FSIP1: variants seen among roughly 807,000 people sequenced by gnomAD.
FSIP1 encodes the protein fibrous sheath-interacting protein 1.
A neutral mutation model predicts 60.9 loss-of-function variants in FSIP1; 65 were observed. The ratio of observed to expected loss-of-function variants is 1.07; its 90% confidence interval spans 0.87 to 1.31. The LOEUF (loss-of-function observed/expected upper bound fraction) is 1.31. FSIP1 is among the 40% of genes most tolerant of loss of function. The pLI, the probability that FSIP1 is intolerant of heterozygous loss-of-function variation, is 0.00. For missense variants in FSIP1, 675 were observed against 665.5 expected, an observed-to-expected ratio of 1.01 and a Z score of -0.16; for synonymous variants, 209 against 221.2, an observed-to-expected ratio of 0.94 and a Z score of 0.49.
At chr15:39,633,607 T>A (rs759165567) in intron 10 of FSIP1, among the ~76,000 whole-genome samples, 4 of 152,182 alleles carry the variant, frequency 2.6e-5, no homozygotes, top group Non-Finnish European at 5.9e-5. Context: ...AAACTTGCAA[T>A]ATGGACTGTG....
chr15:39,673,462 C>T (rs889911281), intron 10 of FSIP1, among the ~76,000 whole-genome samples: 2 of 151,754 alleles, frequency 1.3e-5, no homozygotes, highest in African/African-American at 4.9e-5. Flanking sequence ...CACAGGCACA[C>T]GCCACCACAC....
At chr15:39,623,102 G>C (rs975614862) in intron 10 of FSIP1, among the ~76,000 whole-genome samples, 2 of 151,610 alleles carry the variant, frequency 1.3e-5, no homozygotes, top group African/African-American at 4.9e-5. Flanking sequence ...GTTTGATGTA[G>C]AAGCTAAATT....
intron 9 of FSIP1, among the ~76,000 whole-genome samples, chr15:39,714,894 A>C (rs2140558688): frequency 6.7e-6 from 1 of 148,424 alleles, no homozygotes; most frequent in South Asian, 2.2e-4. Flanking sequence ...GATCACTTGA[A>C]CCTGGGAGGT....
At chr15:39,602,485 C>A in intron 11 of FSIP1, 1 of 404,682 alleles carries the variant, frequency 2.5e-6, no homozygotes, top group South Asian at 1.8e-5. Flanking sequence ...TGAATTATAT[C>A]TCAATAAAGT....
chr15:39,772,842 C>A (rs1254240015), intron 2 of FSIP1, among the ~76,000 whole-genome samples: 1 of 149,658 alleles, frequency 6.7e-6, no homozygotes, highest in Admixed American at 6.7e-5. Context: ...CTGCCCACTT[C>A]GGCCTCCCAC....
intron 10 of FSIP1, among the ~76,000 whole-genome samples, chr15:39,631,635 A>G (rs1250963371): frequency 6.6e-6 from 1 of 152,208 alleles, no homozygotes; most frequent in East Asian, 1.9e-4. Context: ...AGCGTAATAA[A>G]AAGCCTGCAT....
chr15:39,766,146 A>T (rs1051566772), intron 3 of FSIP1, among the ~76,000 whole-genome samples: 26 of 152,244 alleles, frequency 1.7e-4, no homozygotes, highest in African/African-American at 5.8e-4. Flanking sequence ...GCTGCTTCAG[A>T]CTAACTGAAA....
intron 10 of FSIP1, among the ~76,000 whole-genome samples, chr15:39,633,409 C>T (rs925698047): frequency 2.0e-5 from 3 of 152,066 alleles, no homozygotes; most frequent in Non-Finnish European, 4.4e-5. Context: ...TTTAAATGTC[C>T]AAACAATTAA....
chr15:39,774,740 T>C (rs952132097), intron 2 of FSIP1, among the ~76,000 whole-genome samples: 5 of 152,206 alleles, frequency 3.3e-5, no homozygotes, highest in Admixed American at 6.5e-5. Context: ...AGATGTGAGG[T>C]AGAAGCATCG....
intron 10 of FSIP1, 68 bp from the exon 11 acceptor site, chr15:39,618,313 T>A: frequency 8.0e-7 from 1 of 1,247,290 alleles, no homozygotes; most frequent in Non-Finnish European, 1.1e-6. Flanking sequence ...TTGGTAGGCA[T>A]CCAGTAATAC....
At chr15:39,771,130 C>T (rs754546272) in intron 2 of FSIP1, among the ~76,000 whole-genome samples, 2 of 152,110 alleles carry the variant, frequency 1.3e-5, no homozygotes, top group Non-Finnish European at 2.9e-5. Context: ...TAGCAAAGTT[C>T]ATTTTGAAAA....
chr15:39,612,399 A>C (rs2140371981), intron 11 of FSIP1, among the ~76,000 whole-genome samples: 1 of 152,282 alleles, frequency 6.6e-6, no homozygotes, highest in South Asian at 2.1e-4. Context: ...CTAAACAAAC[A>C]ATAGGTCAGA....
chr15:39,673,738 C>G (rs1273627865), intron 10 of FSIP1, among the ~76,000 whole-genome samples: 1 of 152,148 alleles, frequency 6.6e-6, no homozygotes, highest in Admixed American at 6.5e-5. Context: ...CATGAACCCA[C>G]CACCTGACAC....
chr15:39,747,138 T>G (rs925085563), intron 5 of FSIP1, among the ~76,000 whole-genome samples: 2 of 151,758 alleles, frequency 1.3e-5, no homozygotes, highest in African/African-American at 4.8e-5. Context: ...TTCTCCTTTA[T>G]AAACCATAAT....
chr15:39,769,704 T>C (rs1187607229), intron 3 of FSIP1, among the ~76,000 whole-genome samples: 2 of 152,258 alleles, frequency 1.3e-5, no homozygotes, highest in Admixed American at 1.3e-4. Flanking sequence ...TACTGATTCA[T>C]AGCCAGTGAC....
intron 10 of FSIP1, among the ~76,000 whole-genome samples, chr15:39,673,013 T>C (rs1893781382): frequency 6.6e-6 from 1 of 152,216 alleles, no homozygotes; most frequent in Admixed American, 6.5e-5. Flanking sequence ...ATTAATCATC[T>C]GGTAATTTTA....
chr15:39,708,624 C>T (rs1895373976), intron 10 of FSIP1, among the ~76,000 whole-genome samples: 1 of 152,154 alleles, frequency 6.6e-6, no homozygotes, highest in South Asian at 2.1e-4. Flanking sequence ...ACACTAGTCC[C>T]TTCTTTGCTG....
chr15:39,741,389 G>A (rs1433407159), intron 6 of FSIP1, among the ~76,000 whole-genome samples: 3 of 152,192 alleles, frequency 2.0e-5, no homozygotes, highest in Non-Finnish European at 4.4e-5. Flanking sequence ...GGTTGAGCCA[G>A]GGGTAGGCCC....
At chr15:39,720,771 G>A (rs565401997) in intron 9 of FSIP1, among the ~76,000 whole-genome samples, 5 of 152,268 alleles carry the variant, frequency 3.3e-5, no homozygotes, top group Non-Finnish European at 7.4e-5. Flanking sequence ...ACAATACGTG[G>A]AAAGAACGAA....
Sources: allele counts gnomAD v4.1 joint callset (sites outside exome capture counted in the v4.1 genomes callset), GRCh38; gene constraint gnomAD v4.1.1; transcripts MANE v1.5; gene names NCBI Gene and HGNC (gene_info 2026-07-23, HGNC 2026-07-21).